Variants in WDR7 observed in about 807,000 individuals in gnomAD.
WDR7 encodes WD repeat-containing protein 7.
A neutral mutation model predicts 169.4 loss-of-function variants in WDR7; 46 were observed. That is an observed-to-expected ratio of 0.27 (90% confidence interval 0.21 to 0.35). The LOEUF (loss-of-function observed/expected upper bound fraction) is 0.35. Ranked by LOEUF, WDR7 falls within the 10% of genes least tolerant of loss-of-function variation. The probability of loss-of-function intolerance (pLI) is 1.00; values close to 1 mark genes in which losing one functional copy is unlikely to be tolerated. For missense variants in WDR7, 1,534 were observed against 1,859.3 expected (o/e 0.83, Z 3.22); for synonymous variants, 612 against 666.8 (o/e 0.92, Z 1.27).
At chr18:56,715,128 G>A (rs1174255544) in intron 12 of WDR7, among the ~76,000 whole-genome samples, 1 of 152,158 alleles carries the variant, frequency 6.6e-6, no homozygotes, top group African/African-American at 2.4e-5. Context: ...TAATGCGGAA[G>A]GTCAAGTTTC....
intron 20 of WDR7, among the ~76,000 whole-genome samples, chr18:56,830,077 C>T (rs985593181): frequency 5.9e-5 from 9 of 152,072 alleles, no homozygotes; most frequent in Non-Finnish European, 1.2e-4. Flanking sequence ...AAGTCTGCAG[C>T]GAATTGTTAA....
chr18:56,907,989 C>G (rs1203109691), intron 21 of WDR7, among the ~76,000 whole-genome samples: 1 of 152,120 alleles, frequency 6.6e-6, no homozygotes, highest in African/African-American at 2.4e-5. Context: ...ACCATAACAT[C>G]TGTTTGTCAT....
chr18:56,702,691 C>G (rs1187488994), intron 12 of WDR7, among the ~76,000 whole-genome samples: 2 of 152,140 alleles, frequency 1.3e-5, no homozygotes, highest in African/African-American at 2.4e-5. Flanking sequence ...CAAATCCATA[C>G]TGCATATTTT....
intron 20 of WDR7, among the ~76,000 whole-genome samples, chr18:56,833,496 C>A (rs1187952884): frequency 6.6e-6 from 1 of 152,078 alleles, no homozygotes; most frequent in Non-Finnish European, 1.5e-5. Flanking sequence ...TTCTAAATAT[C>A]TAAAGTCCTC....
chr18:56,948,889 C>T (rs1389146805), intron 25 of WDR7, among the ~76,000 whole-genome samples: 1 of 152,166 alleles, frequency 6.6e-6, no homozygotes, highest in Non-Finnish European at 1.5e-5. Context: ...TGCTGAGTTC[C>T]AAGCCCAGGC....
chr18:57,007,195 A>G lies in WDR7; in HGVS notation c.4165-13550A>G, dbSNP rs905713552. ...GGGGTTTCACCATGTTAGCCACGAT[A>G]GTCTCGATCTCCTGACCTCGTGATC... On this transcript the variant is annotated intron_variant, in intron 26 of 27. Coordinates refer to ENST00000254442, the MANE Select transcript of WDR7 (RefSeq NM_015285.3). Among the ~76,000 whole-genome samples, 69 of 152,160 alleles carry G rather than the reference A, an allele frequency of 4.5e-4. 1 individual carries two copies. Among genetic ancestry groups the G allele is most frequent in the African/African-American group, 1.5e-3 (61 of 41,538 alleles).
At chr18:56,798,883 A>G (rs2044626794) in intron 19 of WDR7, among the ~76,000 whole-genome samples, 1 of 152,218 alleles carries the variant, frequency 6.6e-6, no homozygotes, top group South Asian at 2.1e-4. Context: ...CTTCTGGTGA[A>G]TAATAAAAGA....
intron 21 of WDR7, among the ~76,000 whole-genome samples, chr18:56,918,988 A>G (rs773163012): frequency 5.9e-5 from 9 of 152,272 alleles, no homozygotes; most frequent in Non-Finnish European, 1.0e-4. Flanking sequence ...AGCTTTAAGC[A>G]ATAGAATAAA....
chr18:56,784,112 C>T (rs2044359491), intron 19 of WDR7, among the ~76,000 whole-genome samples: 1 of 152,220 alleles, frequency 6.6e-6, no homozygotes, highest in African/African-American at 2.4e-5. Context: ...CCATCACGGC[C>T]TGCCTCTGCC....
At chr18:56,698,893 C>T (rs985889208) in intron 12 of WDR7, among the ~76,000 whole-genome samples, 3 of 151,702 alleles carry the variant, frequency 2.0e-5, no homozygotes, top group Admixed American at 1.3e-4. Context: ...GGTGGGAGGA[C>T]GGAGAGGATT....
rs1214771773 is a variant in WDR7, at chr18:56,995,349, C to A, written c.4165-25396C>A. 2.0e-5 allele frequency among the ~76,000 whole-genome samples: 3 copies of A among 152,126 alleles called. No individual in the cohort carries two copies. The East Asian group carries it at 5.8e-4, about 29-fold the overall frequency. On this transcript the variant is annotated intron_variant, in intron 26 of 27. Coordinates refer to ENST00000254442, the MANE Select transcript of WDR7 (RefSeq NM_015285.3). ...TTTAAGGGTATGAAATATGTGGTTT[C>A]ATTTAAGCATGGTATAAATGATTGT...
chr18:56,724,106 T>C (rs2026383264), intron 13 of WDR7, among the ~76,000 whole-genome samples: 1 of 151,882 alleles, frequency 6.6e-6, no homozygotes, highest in Non-Finnish European at 1.5e-5. Context: ...TTTAATGCCG[T>C]TGTCTTCAAA....
intron 26 of WDR7, among the ~76,000 whole-genome samples, chr18:57,012,982 C>T (rs2145920210): frequency 6.6e-6 from 1 of 152,318 alleles, no homozygotes; most frequent in South Asian, 2.1e-4. Context: ...ATACATGCTA[C>T]AAAAGTTTGC....
At chr18:56,780,321 G>GAAATT (rs1265996884) in intron 18 of WDR7, among the ~76,000 whole-genome samples, 7 of 152,040 alleles carry the variant, frequency 4.6e-5, no homozygotes, top group Non-Finnish European at 1.0e-4. Flanking sequence ...TATTATCCAG[G>GAAATT]ATTCTTAATT....
intron 1 of WDR7, among the ~76,000 whole-genome samples, chr18:56,653,206 G>A (rs763107873): frequency 5.3e-5 from 8 of 151,364 alleles, no homozygotes; most frequent in Middle Eastern, 3.4e-3. Context: ...TGCATTTTTC[G>A]TTCTTCTTTT....
chr18:56,787,467 T>C (rs1466039796), intron 19 of WDR7, among the ~76,000 whole-genome samples: 3 of 152,228 alleles, frequency 2.0e-5, no homozygotes, highest in African/African-American at 7.2e-5. Context: ...AAATGTATCA[T>C]CTCAGATATT....
intron 21 of WDR7, among the ~76,000 whole-genome samples, chr18:56,898,506 A>G (rs2046359209): frequency 6.6e-6 from 1 of 152,062 alleles, no homozygotes; most frequent in African/African-American, 2.4e-5. Context: ...ACAAATGATG[A>G]AGGGTAGCGT....
At chr18:56,807,175 A>T (rs117779909) in intron 19 of WDR7, among the ~76,000 whole-genome samples, 566 of 151,996 alleles carry the variant, frequency 3.7e-3, no homozygotes, top group Middle Eastern at 6.8e-3. Context: ...AAATTCATGA[A>T]GGATTTCAAA....
chr18:56,676,253 G>A (rs1440807354), intron 2 of WDR7, among the ~76,000 whole-genome samples: 1 of 151,966 alleles, frequency 6.6e-6, no homozygotes. Context: ...TTCAGTCTAT[G>A]TGTGTTTTTA....
Sources: gnomAD v4.1 joint callset for allele counts (sites outside exome capture counted in the v4.1 genomes callset) on GRCh38, gnomAD v4.1.1 for gene constraint, MANE v1.5 for transcripts, NCBI Gene and HGNC (gene_info 2026-07-23, HGNC 2026-07-21) for gene names.